The following RNF125 variants were observed in gnomAD, a reference collection of about 807,000 sequenced individuals.
RNF125 encodes E3 ubiquitin-protein ligase RNF125.
Under a neutral mutation model 26.0 loss-of-function variants are expected in RNF125, and 21 were observed. The observed-to-expected ratio is 0.81, with a 90% CI of 0.57 to 1.16. RNF125 has a LOEUF of 1.16. RNF125 is among the 50% of genes most tolerant of loss of function. The pLI is 0.00. For synonymous variants in RNF125, 95 were observed against 109.2 expected, an observed-to-expected ratio of 0.87 and a Z score of 0.81; for missense variants, 270 against 299.4, an observed-to-expected ratio of 0.90 and a Z score of 0.72.
At chr18:32,062,801 A>G (rs554165182) in intron 4 of RNF125, among the ~76,000 whole-genome samples, 3 of 152,290 alleles carry the variant, frequency 2.0e-5, no homozygotes, top group African/African-American at 7.2e-5. Context: ...GGGCTCATCA[A>G]CAAAATAAGG....
At chr18:32,081,214 C>T in the RNF125 span, among the ~76,000 whole-genome samples, 2 of 140,846 alleles carry the variant, frequency 1.4e-5, no homozygotes, top group Admixed American at 7.2e-5. Context: ...AAAAAAAGGT[C>T]AGAATGGTAA....
intron 1 of RNF125, among the ~76,000 whole-genome samples, chr18:32,023,602 T>C (rs2144429254): frequency 6.6e-6 from 1 of 152,366 alleles, no homozygotes; most frequent in East Asian, 1.9e-4. Flanking sequence ...TATCTAAGTA[T>C]GACATTCCAG....
chr18:32,078,758 A>C, the RNF125 span, among the ~76,000 whole-genome samples: 2 of 152,196 alleles, frequency 1.3e-5, no homozygotes, highest in Non-Finnish European at 2.9e-5. Context: ...TTTTAATTTA[A>C]TTCTCATAGA....
intron 4 of RNF125, among the ~76,000 whole-genome samples, chr18:32,055,522 C>T (rs924462503): frequency 4.6e-5 from 7 of 152,040 alleles, no homozygotes; most frequent in South Asian, 4.1e-4. Flanking sequence ...CTTTTTCACA[C>T]GCAGGAGAGA....
At chr18:32,060,976 A>G (rs1406542357) in intron 4 of RNF125, among the ~76,000 whole-genome samples, 2 of 152,238 alleles carry the variant, frequency 1.3e-5, no homozygotes, top group Admixed American at 6.5e-5. Flanking sequence ...CCTGGTCAAC[A>G]AAGTGAGATC....
chr18:32,087,174 C>T, the RNF125 span, among the ~76,000 whole-genome samples: 1 of 151,880 alleles, frequency 6.6e-6, no homozygotes, highest in Non-Finnish European at 1.5e-5. Context: ...TATAATATAC[C>T]AGTAATCGTG....
At chr18:32,051,715 A>C (rs1708068959) in intron 4 of RNF125, among the ~76,000 whole-genome samples, 1 of 88,236 alleles carries the variant, frequency 1.1e-5, no homozygotes, top group Non-Finnish European at 2.4e-5. Flanking sequence ...TTTTTGTTTG[A>C]GATAGAGTCT....
chr18:32,067,981 A>T (rs534999501), intron 5 of RNF125, among the ~76,000 whole-genome samples: 1 of 152,358 alleles, frequency 6.6e-6, no homozygotes, highest in East Asian at 1.9e-4. Context: ...TTACAGGTTT[A>T]TGTGGAACAT....
chr18:32,056,578 G>A (rs184220025), intron 4 of RNF125, among the ~76,000 whole-genome samples: 37 of 139,814 alleles, frequency 2.6e-4, no homozygotes, highest in Non-Finnish European at 4.3e-4. Context: ...CCAAGATCAC[G>A]CCGTTGCACT....
In RNF125 at chr18:32,072,246, G is replaced by T. The variant is rs548499517; in HGVS notation, c.*3862G>T. 6.6e-6 allele frequency: 1 copy of T among 152,024 alleles called. No individual in the cohort carries two copies. The highest frequency in any genetic ancestry group is 1.5e-5 in the Non-Finnish European group (1 of 68,004). The allele number at this position is 152,024 out of a possible 1,614,324, so 9.4% of individuals were successfully genotyped here. On this transcript the variant is annotated 3_prime_UTR_variant, in exon 6 of 6. Coordinates refer to ENST00000217740, the MANE Select transcript of RNF125 (RefSeq NM_017831.4). ...TATAAATAAAAATAAAGCAAAATCT[G>T]TTGGGAAACGAGAAAAAGGAGAGGA... is the stretch of plus-strand genomic sequence containing the variant.
At chr18:32,090,805 A>G in the RNF125 span, among the ~76,000 whole-genome samples, 1 of 152,142 alleles carries the variant, frequency 6.6e-6, no homozygotes, top group African/African-American at 2.4e-5. Context: ...TAGTCCCTTA[A>G]ATGGCTTCTG....
chr18:32,075,875 T>C (rs1381358559), downstream of RNF125: 3 of 937,138 alleles, frequency 3.2e-6, no homozygotes, highest in Non-Finnish European at 5.1e-6. Context: ...TGTAAATATA[T>C]ATTACATCTC....
chr18:32,029,462 GAAA>G (rs61164382), intron 1 of RNF125, among the ~76,000 whole-genome samples: 1 of 112,398 alleles, frequency 8.9e-6, no homozygotes, highest in Admixed American at 9.7e-5. Flanking sequence ...CGTCTGTACA[GAAA>G]AAAAAAAAAA....
chr18:32,086,513 T>C, the RNF125 span, among the ~76,000 whole-genome samples: 1 of 151,524 alleles, frequency 6.6e-6, no homozygotes, highest in Non-Finnish European at 1.5e-5. Context: ...CACCACACCA[T>C]GCTAATTTCT....
intron 4 of RNF125, among the ~76,000 whole-genome samples, chr18:32,048,907 C>G (rs931617363): frequency 6.6e-6 from 1 of 152,192 alleles, no homozygotes; most frequent in Non-Finnish European, 1.5e-5. Context: ...ACTACTATCA[C>G]TGAGTTTACT....
the RNF125 span, among the ~76,000 whole-genome samples, chr18:32,090,162 C>T: frequency 1.3e-5 from 2 of 152,200 alleles, no homozygotes; most frequent in South Asian, 2.1e-4. Context: ...AGGAGAGTTG[C>T]TTCAACCTGG....
chr18:32,025,106 A>C (rs2039020874), intron 1 of RNF125, among the ~76,000 whole-genome samples: 1 of 152,096 alleles, frequency 6.6e-6, no homozygotes, highest in Non-Finnish European at 1.5e-5. Flanking sequence ...TGATTTACCA[A>C]AGATTACTAA....
chr18:32,084,515 C>T, the RNF125 span, among the ~76,000 whole-genome samples: 4 of 152,170 alleles, frequency 2.6e-5, no homozygotes, highest in African/African-American at 7.2e-5. Context: ...AGCTGCATTC[C>T]GAATATCTGT....
intron 4 of RNF125, among the ~76,000 whole-genome samples, chr18:32,055,906 G>A (rs566840561): frequency 1.1e-3 from 165 of 146,620 alleles, no homozygotes; most frequent in African/African-American, 3.8e-3. Context: ...TTGAACCTGG[G>A]AGGCGGAGGT....
Sources: allele counts gnomAD v4.1 joint callset (sites outside exome capture counted in the v4.1 genomes callset), GRCh38; gene constraint gnomAD v4.1.1; transcripts MANE v1.5; gene names NCBI Gene and HGNC (gene_info 2026-07-23, HGNC 2026-07-21).